ADAMTS17: variants seen among roughly 807,000 people sequenced by gnomAD.
ADAMTS17 encodes the protein ADAM metallopeptidase with thrombospondin type 1 motif 17.
In ADAMTS17, 113 loss-of-function variants were observed where a neutral mutation model predicts 141.5. The ratio of observed to expected loss-of-function variants is 0.80; its 90% CI spans 0.69 to 0.93. ADAMTS17 has a LOEUF of 0.93. ADAMTS17 is among the 40% of genes least tolerant of loss of function. The pLI is 0.00. For missense variants in ADAMTS17, 1,659 were observed against 1,517.9 expected, an observed-to-expected ratio of 1.09 and a Z score of -1.54; for synonymous variants, 768 against 630.6, an observed-to-expected ratio of 1.22 and a Z score of -3.27.
chr15:100,084,414 G>C (rs2034959671), intron 15 of ADAMTS17, among the ~76,000 whole-genome samples: 1 of 152,200 alleles, frequency 6.6e-6, no homozygotes, highest in Non-Finnish European at 1.5e-5. Flanking sequence ...CCACCTCTGG[G>C]GGCAGGGCAC....
chr15:100,281,377 C>G lies in ADAMTS17; in HGVS notation c.641G>C (p.Arg214Thr). ...LTEKKKPTWG[R>T]PSRDWRERRN... Reference sequence around the variant, plus strand: ...CCGCTCCCGCCAGTCCCGCGAAGGCCTGCCCCACGTCGGCTTCTTCTTTTC... The same window carrying G: ...CCGCTCCCGCCAGTCCCGCGAAGGCGTGCCCCACGTCGGCTTCTTCTTTTC... The change falls in exon 4 of 22, where the codon AGG becomes ACG. Residue 214 changes from arginine to threonine, a missense_variant. Transcript: ENST00000268070. 2 of 1,612,680 alleles carry G rather than the reference C, an allele frequency of 1.2e-6. No homozygotes were observed. The highest frequency in any genetic ancestry group is 1.7e-6 in the Non-Finnish European group (2 of 1,179,940).
intron 8 of ADAMTS17, among the ~76,000 whole-genome samples, chr15:100,162,986 A>ATAAC: frequency 7.0e-6 from 1 of 143,428 alleles, no homozygotes; most frequent in Admixed American, 6.9e-5. Context: ...ATGTGTATAT[A>ATAAC]TAACTATATA....
chr15:100,155,263 C>T lies in ADAMTS17; in HGVS notation c.1239G>A (p.Met413Ile). 6.2e-7 allele frequency: 1 copy of T among 1,614,218 alleles called. No homozygotes were observed. Among genetic ancestry groups the T allele is most frequent in the Non-Finnish European group, 8.5e-7 (1 of 1,180,052 alleles). Residue 413 changes from methionine to isoleucine, a missense_variant, in exon 9 of 22, where the codon ATG becomes ATA. Coordinates refer to ENST00000268070, the MANE Select transcript of ADAMTS17 (RefSeq NM_139057.4). Reference sequence around the variant, plus strand: ...TCCGGCCTTTCACCCACTCTCCTGACATGATGTGGGACCTGCCAGCGCAAG... The same window carrying T: ...TCCGGCCTTTCACCCACTCTCCTGATATGATGTGGGACCTGCCAGCGCAAG... ...HSSCAGRSHIMSGEWVKGRNP... is the reference protein window; with the variant it reads ...HSSCAGRSHIISGEWVKGRNP...
intron 8 of ADAMTS17, among the ~76,000 whole-genome samples, chr15:100,173,908 A>T (rs1331088158): frequency 6.6e-6 from 1 of 152,194 alleles, no homozygotes; most frequent in East Asian, 1.9e-4. Context: ...CTGAGGCCAA[A>T]CATCACCACT....
chr15:100,115,970 T>C (rs1244854750), intron 13 of ADAMTS17, among the ~76,000 whole-genome samples: 1 of 152,152 alleles, frequency 6.6e-6, no homozygotes, highest in Non-Finnish European at 1.5e-5. Flanking sequence ...AGGTGTCCTG[T>C]AACCTTATTC....
intron 8 of ADAMTS17, among the ~76,000 whole-genome samples, chr15:100,175,462 T>C (rs1268651658): frequency 1.3e-5 from 2 of 152,088 alleles, no homozygotes; most frequent in Admixed American, 6.6e-5. Flanking sequence ...CCCAGTCCCA[T>C]GTTAAGGCCT....
At chr15:100,245,190 C>T (rs2042950541) in intron 7 of ADAMTS17, among the ~76,000 whole-genome samples, 1 of 152,146 alleles carries the variant, frequency 6.6e-6, no homozygotes, top group Non-Finnish European at 1.5e-5. Flanking sequence ...ACCAGTGTCA[C>T]CAATATCTTG....
chr15:100,182,776 G>A (rs2040569727), intron 8 of ADAMTS17, among the ~76,000 whole-genome samples: 1 of 152,102 alleles, frequency 6.6e-6, no homozygotes, highest in African/African-American at 2.4e-5. Flanking sequence ...CCTCCCTCTG[G>A]TCTCTGGTTG....
chr15:100,223,552 C>G (rs988973111), intron 7 of ADAMTS17, among the ~76,000 whole-genome samples: 7 of 152,040 alleles, frequency 4.6e-5, no homozygotes, highest in African/African-American at 1.2e-4. Flanking sequence ...AAGGCAGGGA[C>G]TCACTCTGAG....
chr15:100,220,898 G>A lies in ADAMTS17; in HGVS notation c.1076-21475C>T, dbSNP rs527886801. Among the ~76,000 whole-genome samples, 63 of 152,276 alleles carry A rather than the reference G, an allele frequency of 4.1e-4. 1 individual carries two copies. The highest frequency in any genetic ancestry group is 3.9e-3 in the Admixed American group (60 of 15,290). On this transcript the variant is annotated intron_variant, in intron 7 of 21. Transcript: ENST00000268070. ...ATTGCATGGATATTCCACAACTGAG[G>A]CATCCATTCATCAACTGATGGACAC...
intron 3 of ADAMTS17, chr15:100,306,724 T>G: frequency 2.7e-6 from 1 of 374,958 alleles, no homozygotes; most frequent in Non-Finnish European, 5.3e-6. Context: ...GCGCCATAAC[T>G]TGTTCGTTTC....
chr15:100,090,008 A>ACC (rs1567155869), intron 15 of ADAMTS17, among the ~76,000 whole-genome samples: 3 of 150,366 alleles, frequency 2.0e-5, no homozygotes, highest in African/African-American at 7.4e-5. Context: ...AAAAAAAAAC[A>ACC]AAATAAAATT....
chr15:100,322,637 A>C (rs1170009697), intron 3 of ADAMTS17, among the ~76,000 whole-genome samples: 1 of 152,268 alleles, frequency 6.6e-6, no homozygotes, highest in Non-Finnish European at 1.5e-5. Flanking sequence ...TTAGAATAGC[A>C]GACAAGAATT....
chr15:100,191,715 G>C (rs1490783066), intron 8 of ADAMTS17, among the ~76,000 whole-genome samples: 4 of 152,218 alleles, frequency 2.6e-5, no homozygotes, highest in African/African-American at 9.7e-5. Flanking sequence ...TCACTGCGGG[G>C]GCACCTCCCA....
intron 8 of ADAMTS17, among the ~76,000 whole-genome samples, chr15:100,170,156 G>A (rs2040106911): frequency 6.6e-6 from 1 of 152,108 alleles, no homozygotes; most frequent in African/African-American, 2.4e-5. Context: ...GGCATGGGGT[G>A]GGGGTAGAGA....
chr15:100,170,484 C>T (rs755500524), intron 8 of ADAMTS17, among the ~76,000 whole-genome samples: 6 of 152,190 alleles, frequency 3.9e-5, no homozygotes, highest in Non-Finnish European at 8.8e-5. Context: ...AAAGTTTCTA[C>T]CTTTGCATAA....
In ADAMTS17 at chr15:99,984,847, C is replaced by T. The variant is rs567264322; in HGVS notation, c.2949+8201G>A. On this transcript the variant is annotated intron_variant, in intron 20 of 21. Coordinates refer to ENST00000268070, the MANE Select transcript of ADAMTS17 (RefSeq NM_139057.4). ...ATTAGAACCTAGACTGTGGTGGAGA[C>T]GGGGCATGGGATGACCAGGCTTCCC... 9.2e-5 allele frequency among the ~76,000 whole-genome samples: 14 copies of T among 152,300 alleles called. No homozygotes were observed. The South Asian group carries it at 1.2e-3, about 14-fold the overall frequency.
intron 17 of ADAMTS17, among the ~76,000 whole-genome samples, chr15:100,050,153 C>T (rs73472493): frequency 0.019 from 2,817 of 152,208 alleles, 88 homozygotes; most frequent in African/African-American, 0.064. Context: ...ACAGAAAGCA[C>T]GGAACTGCTT....
chr15:100,153,891 C>G (rs1298507472), intron 9 of ADAMTS17, among the ~76,000 whole-genome samples: 4 of 151,936 alleles, frequency 2.6e-5, no homozygotes, highest in African/African-American at 7.2e-5. Context: ...ATAAAAACAC[C>G]TGATCTTGGC....
Sources: allele counts gnomAD v4.1 joint callset (sites outside exome capture counted in the v4.1 genomes callset), GRCh38; gene constraint gnomAD v4.1.1; transcripts MANE v1.5; gene names NCBI Gene and HGNC (gene_info 2026-07-23, HGNC 2026-07-21).